The following SON variants were observed in gnomAD, a reference collection of about 807,000 sequenced individuals.
The protein encoded by SON is SON DNA and RNA binding protein.
SON carries 4 observed loss-of-function variants against 173.3 expected under a neutral mutation model. The ratio of observed to expected loss-of-function variants is 0.02; its 90% confidence interval spans 0.01 to 0.05. The LOEUF is 0.05. Ranked by LOEUF, SON falls within the 10% of genes least tolerant of loss-of-function variation. SON has a pLI of 1.00. For missense variants in SON, 2,626 were observed against 3,055.3 expected, an observed-to-expected ratio of 0.86 and a Z score of 3.31; for synonymous variants, 1,190 against 1,105.9, an observed-to-expected ratio of 1.08 and a Z score of -1.51.
At chr21:33,546,184 A>G in intron 1 of SON, 29 bp from the exon 2 acceptor site, 2 of 1,570,488 alleles carry the variant, frequency 1.3e-6, no homozygotes, top group Non-Finnish European at 1.7e-6. Flanking sequence ...ATAAAATATT[A>G]ATGAATTTCG....
In SON at chr21:33,559,331, T is replaced by C. The variant is rs1460454250; in HGVS notation, c.6423T>C (p.His2141=). The change falls in exon 5 of 12, where the codon CAT becomes CAC. Residue 2141 remains histidine (H), a synonymous_variant. Transcript: ENST00000356577. This position sits in a 1 kb window ranked among gnomAD's most constrained non-coding sequence, Gnocchi z 4.1. ...AAGAAGAACCTCCTTTTTATCATCA[T>C]CCCTTTAAACTCAGTGAACCCAAAC... The part of the protein sequence containing the change: ...EEEEEPPFYH[H]PFKLSEPKPI... 1.2e-6 allele frequency: 2 copies of C among 1,613,008 alleles called. No homozygotes were observed. Among genetic ancestry groups the C allele is most frequent in the African/African-American group, 2.7e-5 (2 of 74,874 alleles).
intron 2 of SON, 133 bp from the exon 3 acceptor site, chr21:33,549,343 G>A (rs1159181788): frequency 4.3e-6 from 3 of 690,204 alleles, no homozygotes; most frequent in African/African-American, 3.7e-5. Flanking sequence ...AGAGTGCTAA[G>A]ATTACAGGCG....
Position 33,563,800 on chromosome 21 carries a change from T to C in SON, c.6658-3357T>C, listed in dbSNP as rs374117448. Reference sequence around the variant, plus strand: ...GCATGTTATATGGTGCCAGTTGCATTATGGTAATTTCATTATGCCTCAGAC... The same window carrying C: ...GCATGTTATATGGTGCCAGTTGCATCATGGTAATTTCATTATGCCTCAGAC... On this transcript the variant is annotated intron_variant, in intron 6 of 11. Transcript: ENST00000356577. Among the ~76,000 whole-genome samples the C allele has an allele frequency of 1.8e-4, 27 of 152,320 alleles. No individual in the cohort carries two copies. The East Asian group carries it at 3.3e-3, about 18-fold the overall frequency.
intron 2 of SON, chr21:33,547,164 A>G (rs1011899970): frequency 6.6e-6 from 1 of 151,874 alleles, no homozygotes; most frequent in Non-Finnish European, 1.5e-5. Flanking sequence ...TTTTTAGTAG[A>G]AACGGGGTTT....
chr21:33,576,078 T>TA (rs2086393310), intron 11 of SON, among the ~76,000 whole-genome samples, 185 bp downstream of exon 11: 4 of 152,248 alleles, frequency 2.6e-5, no homozygotes, highest in Middle Eastern at 6.8e-3. Flanking sequence ...TCCTATTTTT[T>TA]AAAAAATTGG....
chr21:33,561,135 T>C (rs770146732), intron 6 of SON, among the ~76,000 whole-genome samples: 55 of 152,212 alleles, frequency 3.6e-4, no homozygotes, highest in Middle Eastern at 3.2e-3. Flanking sequence ...CCAGTGCAAC[T>C]TACAGTTACT....
intron 8 of SON, 149 bp from the exon 9 acceptor site, chr21:33,573,159 T>C: frequency 1.6e-6 from 1 of 606,920 alleles, no homozygotes. Flanking sequence ...CACACTACAG[T>C]ATGTATAAAG....
At position 33,552,531 on chromosome 21, in the gene SON, C is replaced by T; in HGVS notation, c.3300C>T (p.Asp1100=). The T allele has an allele frequency of 6.2e-7, 1 of 1,614,044 alleles. No homozygotes were observed. Among genetic ancestry groups the T allele is most frequent in the Non-Finnish European group, 8.5e-7 (1 of 1,180,010 alleles). ...TGATGTCGTCATACTCTGCTGCTGA[C>T]CGGTCTATGATGTCATCGTACTCTG... ...RSMMSSYSAA[D]RSMMSSYSAA... is the part of the protein sequence containing the mutation. Residue 1100 remains aspartate (D), a synonymous_variant, in exon 3 of 12, where the codon GAC becomes GAT. Coordinates refer to ENST00000356577, the MANE Select transcript of SON (RefSeq NM_138927.4). The surrounding 1 kb of genome is among the most constrained non-coding windows in gnomAD (Gnocchi z 5.6).
Position 33,552,287 on chromosome 21 carries a change from C to T in SON, c.3056C>T (p.Ser1019Phe). Residue 1019 changes from serine (S) to phenylalanine (F), a missense_variant, in exon 3 of 12, where the codon TCT becomes TTT. This residue lies in a region of SON where 366 missense variants were observed against 448.6 expected (regional missense o/e 0.82). Transcript: ENST00000356577. This position sits in a 1 kb window ranked among gnomAD's most constrained non-coding sequence, Gnocchi z 5.6. ...MMSSYERSMM[S>F]YERSMMSPMA... ...TCATCTTACGAACGCTCTATGATGT[C>T]TTATGAGCGGTCTATGATGTCCCCT... 6.2e-7 allele frequency: 1 copy of T among 1,614,108 alleles called. No individual in the cohort carries two copies. Among genetic ancestry groups the T allele is most frequent in the Non-Finnish European group, 8.5e-7 (1 of 1,179,992 alleles).
intron 6 of SON, chr21:33,560,881 C>G (rs1025871049): frequency 3.3e-5 from 5 of 152,240 alleles, no homozygotes; most frequent in African/African-American, 1.2e-4. Flanking sequence ...CTGTACTCTT[C>G]ACTGTAGGTT....
chr21:33,566,668 G>A (rs1480347098), intron 6 of SON, among the ~76,000 whole-genome samples: 2 of 152,044 alleles, frequency 1.3e-5, no homozygotes, highest in Non-Finnish European at 2.9e-5. Context: ...TTAAAGATAC[G>A]CTGATGAGTA....
Position 33,555,327 on chromosome 21 carries a change from C to T in SON, c.6096C>T (p.Pro2032=). ...TPLRRRFSRS[P]IRRKRSRSSE... ...TAAGAAGAAGGTTTAGCAGATCTCC[C>T]ATCCGTCGTAAAAGATCCAGGTCTT... Residue 2032 remains proline, a synonymous_variant, in exon 3 of 12, where the codon CCC becomes CCT. Coordinates refer to ENST00000356577, the MANE Select transcript of SON (RefSeq NM_138927.4). 1 of 1,602,800 alleles carries T rather than the reference C, an allele frequency of 6.2e-7. No homozygotes were observed. Among genetic ancestry groups the T allele is most frequent in the Non-Finnish European group, 8.5e-7 (1 of 1,174,796 alleles).
In SON at chr21:33,557,713, A is replaced by G. The variant is rs1050565478; in HGVS notation, c.6321+397A>G. On this transcript the variant is annotated intron_variant, in intron 4 of 11. Coordinates refer to ENST00000356577, the MANE Select transcript of SON (RefSeq NM_138927.4). ...GCAAAGACACAGACAATCTTCAGAA[A>G]TGATCTTTTGCCACCGGAGCTTGGA... 8 of 1,432,024 alleles carry G rather than the reference A, an allele frequency of 5.6e-6. No individual in the cohort carries two copies. In the African/African-American group the frequency reaches 8.7e-5, roughly 16 times the overall value. The allele number at this position is 1,432,024 out of a possible 1,614,324, so 88.7% of individuals were successfully genotyped here.
Position 33,552,649 on chromosome 21 carries a change from T to C in SON, c.3418T>C (p.Tyr1140His). The change falls in exon 3 of 12, where the codon TAT becomes CAT. Residue 1140 changes from tyrosine (Y) to histidine (H), a missense_variant. Physicochemically the swap from Tyr to His is moderately conservative, Grantham distance 83 (BLOSUM62 2). This residue lies in a region of SON where 366 missense variants were observed against 448.6 expected (regional missense o/e 0.82). Transcript: ENST00000356577. The surrounding 1 kb of genome is among the most constrained non-coding windows in gnomAD (Gnocchi z 5.6). ...TTACACCGATTCTTACACTGACACA[T>C]ATACAGAGGCATATATGGTGCCACC... ...DSYTDSYTDTYTEAYMVPPLP... is the reference protein window; with the variant it reads ...DSYTDSYTDTHTEAYMVPPLP... The C allele has an allele frequency of 5.6e-6, 9 of 1,614,138 alleles. No individual in the cohort carries two copies. Among genetic ancestry groups the C allele is most frequent in the Non-Finnish European group, 7.6e-6 (9 of 1,180,020 alleles).
chr21:33,546,917 A>G (rs1361384532), intron 2 of SON: 2 of 152,298 alleles, frequency 1.3e-5, no homozygotes, highest in South Asian at 2.1e-4. Context: ...CTGGTAGAAT[A>G]TAATTTTTAT....
chr21:33,543,227 T>C (rs951137722), intron 1 of SON, 58 bp downstream of exon 1: 23 of 1,433,514 alleles, frequency 1.6e-5, no homozygotes, highest in South Asian at 1.3e-4. Flanking sequence ...CACCTAGCCT[T>C]CTTTGGCACC....
In SON at chr21:33,557,263, G is replaced by A; in HGVS notation, c.6268G>A (p.Glu2090Lys). 6.2e-7 allele frequency: 1 copy of A among 1,613,586 alleles called. No homozygotes were observed. Among genetic ancestry groups the A allele is most frequent in the Non-Finnish European group, 8.5e-7 (1 of 1,179,938 alleles). ...NLKPAPPPTI[E>K]EKVAKKSGGA... ...AAAGCCTGCACCTCCACCTACTATA[G>A]AAGAGAAAGTTGCTAAAAAGTCAGG... The change falls in exon 4 of 12, where the codon GAA becomes AAA. Residue 2090 changes from glutamate (E) to lysine (K), a missense_variant. Physicochemically the swap from Glu to Lys is moderately conservative, Grantham distance 56. Coordinates refer to ENST00000356577, the MANE Select transcript of SON (RefSeq NM_138927.4).
rs201446136 is a variant in SON at position 33,550,498 on chromosome 21, C to T, written c.1267C>T (p.Pro423Ser). 2.3e-4 allele frequency: 368 copies of T among 1,613,534 alleles called. No homozygotes were observed. The highest frequency in any genetic ancestry group is 2.9e-4 in the Non-Finnish European group (345 of 1,179,808). ...VPELPGPLST[P>S]VPELPGPPAT... ...AGAGTTGCCAGGGCCCCTTTCTACCCCAGTGCCTGAGTTGCCAGGGCCCCC... is the reference window on the plus strand; with the variant it reads ...AGAGTTGCCAGGGCCCCTTTCTACCTCAGTGCCTGAGTTGCCAGGGCCCCC... Residue 423 changes from proline to serine, a missense_variant, in exon 3 of 12, where the codon CCA becomes TCA. Pro to Ser is a moderately conservative substitution (Grantham distance 74). Around this residue, in one of 13 missense-constraint regions of SON, gnomAD observed 757 missense variants for 730.1 expected, o/e 1.04. Coordinates refer to ENST00000356577, the MANE Select transcript of SON (RefSeq NM_138927.4).
At chr21:33,571,320 A>G (rs1009675238) in intron 8 of SON, among the ~76,000 whole-genome samples, 4 of 152,218 alleles carry the variant, frequency 2.6e-5, no homozygotes, top group African/African-American at 9.6e-5. Context: ...AATATCACAA[A>G]TATTGTCTAC....
Sources: allele counts gnomAD v4.1 joint callset (sites outside exome capture counted in the v4.1 genomes callset), GRCh38; gene constraint gnomAD v4.1.1; regional missense constraint gnomAD v4.1.1; non-coding constraint Gnocchi (gnomAD v3.1); transcripts MANE v1.5; gene names NCBI Gene and HGNC (gene_info 2026-07-23, HGNC 2026-07-21).